The following DEGS2 variants were observed in gnomAD, a reference collection of about 807,000 sequenced individuals.
DEGS2 encodes delta 4-desaturase, sphingolipid 2.
A neutral mutation model predicts 23.8 loss-of-function variants in DEGS2; 19 were observed. The observed-to-expected ratio is 0.80, with a 90% CI of 0.56 to 1.17. The LOEUF is 1.17. Ranked by LOEUF, DEGS2 falls within the 50% of genes most tolerant of loss-of-function variation. The pLI is 0.00. For missense variants in DEGS2, 390 were observed against 459.5 expected (o/e 0.85, Z 1.38); for synonymous variants, 218 against 213.7 (o/e 1.02, Z -0.18).
intron 1 of DEGS2, among the ~76,000 whole-genome samples, chr14:100,154,194 G>A (rs957826758): frequency 2.0e-5 from 3 of 152,028 alleles, no homozygotes; most frequent in South Asian, 4.1e-4. Context: ...GTGAAACCCC[G>A]TCTCTACTAA....
chr14:100,154,128 G>T (rs1889619120), intron 1 of DEGS2, among the ~76,000 whole-genome samples: 1 of 152,186 alleles, frequency 6.6e-6, no homozygotes, highest in Non-Finnish European at 1.5e-5. Flanking sequence ...ACTTTGGGAG[G>T]CTGAGACGGG....
chr14:100,166,596 C>T, the DEGS2 span, among the ~76,000 whole-genome samples: 4 of 152,102 alleles, frequency 2.6e-5, no homozygotes, highest in African/African-American at 9.7e-5. Context: ...TCCCTGAGCA[C>T]GAGCTTACCA....
upstream of DEGS2, among the ~76,000 whole-genome samples, chr14:100,163,743 T>C (rs1889775568): frequency 6.6e-6 from 1 of 152,212 alleles, no homozygotes; most frequent in Non-Finnish European, 1.5e-5. Flanking sequence ...TTTTTAAAGA[T>C]AGGATCTCAC....
intron 2 of DEGS2, among the ~76,000 whole-genome samples, chr14:100,147,613 G>T (rs902070269): frequency 6.6e-6 from 1 of 150,400 alleles, no homozygotes; most frequent in Non-Finnish European, 1.5e-5. Context: ...ACTGCTCAAC[G>T]GCATGCAGCC....
Position 100,146,601 on chromosome 14 carries a change from C to A in DEGS2, c.*160G>T. 1.9e-6 allele frequency: 2 copies of A among 1,051,098 alleles called. No homozygotes were observed. The highest frequency in any genetic ancestry group is 1.6e-5 in the South Asian group (1 of 64,398). The allele number at this position is 1,051,098 out of a possible 1,614,324, so 65.1% of individuals were successfully genotyped here. On this transcript the variant is annotated 3_prime_UTR_variant, in exon 3 of 3. Transcript: ENST00000305631. ...AAGTCCACGTGCAGACGGAGCCCTGCAGCCCACACTGCTGTTGCCAGGTGT... is the reference window on the plus strand; with the variant it reads ...AAGTCCACGTGCAGACGGAGCCCTGAAGCCCACACTGCTGTTGCCAGGTGT...
chr14:100,145,664 T>G lies in DEGS2; in HGVS notation c.*1097A>C, dbSNP rs1889430906. Reference sequence around the variant, plus strand: ...GATTGCAGTGGGCCCGCTCCATCCCTCTCTGGCAGGGAGGGCCTCCTCGCT... The same window carrying G: ...GATTGCAGTGGGCCCGCTCCATCCCGCTCTGGCAGGGAGGGCCTCCTCGCT... On this transcript the variant is annotated 3_prime_UTR_variant, in exon 3 of 3. Transcript: ENST00000305631. 1 of 147,344 alleles carries G rather than the reference T, an allele frequency of 6.8e-6. No individual in the cohort carries two copies. Among genetic ancestry groups the G allele is most frequent in the Non-Finnish European group, 1.5e-5 (1 of 67,318 alleles). 9.1% of individuals were successfully genotyped at this position (147,344 alleles called of 1,614,324 possible).
At chr14:100,148,731 CTG>C (rs1221364856) in intron 2 of DEGS2, among the ~76,000 whole-genome samples, 1 of 152,276 alleles carries the variant, frequency 6.6e-6, no homozygotes, top group Non-Finnish European at 1.5e-5. Flanking sequence ...GCAGCCTGGA[CTG>C]TGAAATGCCT....
chr14:100,159,667 G>T, upstream of DEGS2: 1 of 756,732 alleles, frequency 1.3e-6, no homozygotes, highest in Non-Finnish European at 1.9e-6. Context: ...CGCGGAACCA[G>T]CTCTGATTAG....
chr14:100,148,090 G>A (rs1035850158), intron 2 of DEGS2, among the ~76,000 whole-genome samples: 2 of 152,186 alleles, frequency 1.3e-5, no homozygotes, highest in African/African-American at 2.4e-5. Context: ...TGATTCCAGA[G>A]TCACACGGGC....
upstream of DEGS2, among the ~76,000 whole-genome samples, chr14:100,161,117 C>A (rs1566744369): frequency 6.6e-6 from 1 of 152,228 alleles, no homozygotes; most frequent in Non-Finnish European, 1.5e-5. Flanking sequence ...AAGGCTGGGG[C>A]ATGACTTTGG....
intron 1 of DEGS2, among the ~76,000 whole-genome samples, chr14:100,158,523 C>G (rs1382641690): frequency 6.6e-6 from 1 of 152,182 alleles, no homozygotes; most frequent in Non-Finnish European, 1.5e-5. Flanking sequence ...GATCGCGAGA[C>G]TCTGTCTCTA....
intron 1 of DEGS2, among the ~76,000 whole-genome samples, chr14:100,154,573 C>T (rs920320421): frequency 3.3e-5 from 5 of 152,232 alleles, no homozygotes; most frequent in African/African-American, 2.4e-5. Context: ...AGGTGTGAAA[C>T]GTCTGCACAC....
upstream of DEGS2, among the ~76,000 whole-genome samples, chr14:100,164,135 G>C (rs1042569500): frequency 8.6e-5 from 13 of 151,914 alleles, no homozygotes; most frequent in African/African-American, 3.1e-4. Flanking sequence ...GAGCCTCCAT[G>C]TTCCCCAGGC....
At chr14:100,152,775 T>C (rs1247689751) in intron 1 of DEGS2, among the ~76,000 whole-genome samples, 1 of 152,106 alleles carries the variant, frequency 6.6e-6, no homozygotes, top group Admixed American at 6.5e-5. Context: ...TGAACCACGC[T>C]ACCCCTACTG....
At chr14:100,153,272 T>C (rs1595277657) in intron 1 of DEGS2, among the ~76,000 whole-genome samples, 1 of 95,944 alleles carries the variant, frequency 1.0e-5, no homozygotes, top group African/African-American at 3.3e-5. Flanking sequence ...GATAGATAGA[T>C]AGATAGATAG....
upstream of DEGS2, among the ~76,000 whole-genome samples, chr14:100,161,027 C>G (rs934644268): frequency 1.3e-5 from 2 of 152,234 alleles, no homozygotes; most frequent in African/African-American, 4.8e-5. Flanking sequence ...AGTCATCCCA[C>G]CAGCCATCAC....
At chr14:100,161,006 G>A (rs921735666), upstream of DEGS2, among the ~76,000 whole-genome samples, 2 of 152,230 alleles carry the variant, frequency 1.3e-5, no homozygotes, top group African/African-American at 4.8e-5. Context: ...CCAGCCAGAA[G>A]GGTCCTCAGA....
rs1418561070 is a variant in DEGS2, at chr14:100,144,990, TGGCTTCGCCTA to T, written c.*1760_*1770del. ...CCCTTAGGAGGCTCCACTCTCTGAG[TGGCTTCGCCTA>T]GGCTTCACCTAGGTCTGGTGGCACT... On this transcript the variant is annotated 3_prime_UTR_variant, in exon 3 of 3. Transcript: ENST00000305631. 3 of 152,282 alleles carry T rather than the reference TGGCTTCGCCTA, an allele frequency of 2.0e-5. No individual in the cohort carries two copies. The highest frequency in any genetic ancestry group is 2.4e-5 in the African/African-American group (1 of 41,464). 9.4% of individuals were successfully genotyped at this position (152,282 alleles called of 1,614,324 possible). A position where few individuals can be genotyped will look rare whatever the true frequency, so the allele number is the denominator to read the frequency against.
intron 1 of DEGS2, among the ~76,000 whole-genome samples, chr14:100,150,010 A>C (rs1889539814): frequency 6.6e-6 from 1 of 152,232 alleles, no homozygotes; most frequent in African/African-American, 2.4e-5. Flanking sequence ...CCCACCCAGC[A>C]GGTCTGGGCC....
Sources: gnomAD v4.1 joint callset for allele counts (sites outside exome capture counted in the v4.1 genomes callset) on GRCh38, gnomAD v4.1.1 for gene constraint, MANE v1.5 for transcripts, NCBI Gene and HGNC (gene_info 2026-07-23, HGNC 2026-07-21) for gene names.